The following COL6A5 variants were observed in gnomAD, a reference collection of about 807,000 sequenced individuals.
COL6A5 encodes the protein collagen alpha-5(VI) chain.
In COL6A5, 48 loss-of-function variants were observed where a neutral mutation model predicts 65.6. The observed-to-expected ratio is 0.73, with a 90% CI of 0.58 to 0.93. The LOEUF (loss-of-function observed/expected upper bound fraction) is 0.93. COL6A5 is among the 40% of genes least tolerant of loss of function. The pLI is 0.00. For missense variants in COL6A5, 914 were observed against 928.3 expected (o/e 0.98, Z 0.20); for synonymous variants, 291 against 322.8 (o/e 0.90, Z 1.05).
At chr3:130,406,016 T>A in exon 15 of COL6A5, 2 of 1,551,474 alleles carry the variant, frequency 1.3e-6, no homozygotes, top group Non-Finnish European at 1.7e-6. Context: ...TTTCTGGACC[T>A]AAGGTACTGG....
intron 7 of COL6A5, chr3:130,471,756 A>C (rs1709958378): frequency 6.5e-7 from 1 of 1,534,482 alleles, no homozygotes; most frequent in Non-Finnish European, 8.7e-7. Context: ...CAGGCACAAC[A>C]TCTCCTTGTA....
exon 6 of COL6A5, chr3:130,388,909 T>C: frequency 6.5e-7 from 1 of 1,547,708 alleles, no homozygotes; most frequent in Non-Finnish European, 8.7e-7. Flanking sequence ...GGCCAAAAAA[T>C]TTCTCATCCT....
chr3:130,443,620 T>A, intron 4 of COL6A5, 54 bp downstream of exon 36: 1 of 1,109,744 alleles, frequency 9.0e-7, no homozygotes, highest in East Asian at 2.4e-5. Flanking sequence ...CTGATGGGAG[T>A]ATAACTGGTT....
intron 7 of COL6A5, among the ~76,000 whole-genome samples, chr3:130,480,420 G>C (rs1440000224): frequency 2.0e-5 from 3 of 151,880 alleles, no homozygotes; most frequent in African/African-American, 7.2e-5. Flanking sequence ...ATATTTTAAA[G>C]CATATAAACT....
chr3:130,420,736 G>T (rs1577492068), intron 25 of COL6A5, among the ~76,000 whole-genome samples: 1 of 148,126 alleles, frequency 6.8e-6, no homozygotes, highest in Middle Eastern at 3.4e-3. Flanking sequence ...GACAAAGATA[G>T]TATCTCATTG....
At chr3:130,378,083 C>T (rs1395349093) in intron 3 of COL6A5, among the ~76,000 whole-genome samples, 6 of 152,138 alleles carry the variant, frequency 3.9e-5, no homozygotes, top group African/African-American at 1.4e-4. Context: ...CTTTCCACAG[C>T]TGCAGTTCAT....
intron 1 of COL6A5, among the ~76,000 whole-genome samples, chr3:130,354,803 C>T (rs1254880072): frequency 3.3e-5 from 5 of 152,114 alleles, no homozygotes; most frequent in Admixed American, 2.6e-4. Flanking sequence ...TAATTTCCTG[C>T]GTGTTCCATG....
intron 7 of COL6A5, among the ~76,000 whole-genome samples, chr3:130,478,111 C>T (rs61583674): frequency 0.11 from 17,267 of 152,052 alleles, 1,139 homozygotes; most frequent in South Asian, 0.2. Flanking sequence ...ATTTCCTCAT[C>T]TGCAAAATGG....
chr3:130,379,696 G>C lies in COL6A5; in HGVS notation c.946G>C (p.Ala316Pro), dbSNP rs1577447304. Residue 316 changes from alanine to proline, a missense_variant and NMD_transcript_variant, in exon 4 of 42, where the codon GCT (alanine) becomes CCT (proline). Coordinates refer to the COL6A5 transcript ENST00000312481. ...CCAAGTTGGGAAATCCAATACAGGG[G>C]CTGCCATTGATCAGATGAGAAGAGA... is the stretch of plus-strand genomic sequence containing the variant. 12 of 1,551,280 alleles carry C rather than the reference G, an allele frequency of 7.7e-6. No homozygotes were observed. The highest frequency in any genetic ancestry group is 1.0e-5 in the Non-Finnish European group (12 of 1,146,820).
At chr3:130,414,194 C>T in intron 22 of COL6A5, 63 bp downstream of exon 22, 1 of 1,246,976 alleles carries the variant, frequency 8.0e-7, no homozygotes, top group Non-Finnish European at 1.1e-6. Flanking sequence ...GGGAAGAAGG[C>T]AGGTATTTCT....
chr3:130,483,979 A>G (rs1710314920), intron 7 of COL6A5, 56 bp from the exon 41 acceptor site: 3 of 1,524,342 alleles, frequency 2.0e-6, no homozygotes, highest in African/African-American at 2.7e-5. Context: ...CCCTGGAGGA[A>G]CATTTTGAAC....
chr3:130,358,045 C>T (rs1934982543), intron 1 of COL6A5, among the ~76,000 whole-genome samples: 2 of 151,958 alleles, frequency 1.3e-5, no homozygotes, highest in East Asian at 1.9e-4. Context: ...AAAAATTAGC[C>T]GGGCGTGGTG....
chr3:130,422,745 C>CT lies in COL6A5; in HGVS notation c.5064dup (p.Gly1689TrpfsTer9), dbSNP rs567930075. 1.9e-4 allele frequency: 286 copies of CT among 1,527,782 alleles called. 1 individual carries two copies. The African/African-American group carries it at 3.7e-3, about 20-fold the overall frequency. 94.6% of individuals were successfully genotyped at this position (1,527,782 alleles called of 1,614,324 possible). On this transcript the variant is annotated frameshift_variant and NMD_transcript_variant, in exon 28 of 42. Coordinates refer to the COL6A5 transcript ENST00000312481. The stretch of plus-strand genomic sequence containing the variant: ...GGTGATATTGGTAATCCTGGAATTC[C>CT]TGGGGGACCTGGACCCAAAGGATTT...
chr3:130,476,552 C>T (rs1454391346), intron 7 of COL6A5, among the ~76,000 whole-genome samples: 1 of 152,064 alleles, frequency 6.6e-6, no homozygotes, highest in Non-Finnish European at 1.5e-5. Context: ...AATTAAGTCA[C>T]ATTCTCTAGA....
chr3:130,375,651 GA>G (rs1205656778), intron 2 of COL6A5, among the ~76,000 whole-genome samples: 1 of 152,038 alleles, frequency 6.6e-6, no homozygotes, highest in Non-Finnish European at 1.5e-5. Context: ...ATTTACAAAG[GA>G]AAGAGGTTTA....
chr3:130,484,200 C>T, exon 8 of COL6A5: 1 of 690,642 alleles, frequency 1.4e-6, no homozygotes, highest in East Asian at 3.0e-5. Context: ...TAAATTTGTT[C>T]TCCATCTCAA....
intron 4 of COL6A5, among the ~76,000 whole-genome samples, chr3:130,445,665 C>T (rs1432903660): frequency 6.6e-6 from 1 of 152,008 alleles, no homozygotes; most frequent in Non-Finnish European, 1.5e-5. Context: ...TCATATGAGG[C>T]CTGGTGCGGG....
At chr3:130,353,265 A>G (rs1934787892) in intron 1 of COL6A5, among the ~76,000 whole-genome samples, 1 of 152,200 alleles carries the variant, frequency 6.6e-6, no homozygotes, top group African/African-American at 2.4e-5. Context: ...TCTTTCCTCA[A>G]CTTTACTCCT....
exon 1 of COL6A5, chr3:130,431,578 C>T (rs1307947092): frequency 6.4e-7 from 1 of 1,551,576 alleles, no homozygotes; most frequent in Admixed American, 2.0e-5. Flanking sequence ...TGTCAATGAC[C>T]TTAACATCAG....
Sources: allele counts gnomAD v4.1 joint callset (sites outside exome capture counted in the v4.1 genomes callset), GRCh38; gene constraint gnomAD v4.1.1; transcripts MANE v1.5; gene names NCBI Gene and HGNC (gene_info 2026-07-23, HGNC 2026-07-21).